Variants in RCBTB1 observed in about 807,000 individuals in gnomAD.
RCBTB1 encodes RCC1 and BTB domain containing protein 1, also known as RCC1 and BTB domain-containing protein 1.
A neutral mutation model predicts 62.4 loss-of-function variants in RCBTB1; 46 were observed. The observed-to-expected ratio is 0.74, with a 90% CI of 0.58 to 0.94. The LOEUF is 0.94. RCBTB1 is among the 40% of genes least tolerant of loss of function. The probability of loss-of-function intolerance (pLI) is 0.00; values close to 1 mark genes in which losing one functional copy is unlikely to be tolerated. For missense variants in RCBTB1, 565 were observed against 654.9 expected (o/e 0.86, Z 1.50); for synonymous variants, 222 against 245.8 (o/e 0.90, Z 0.91).
chr13:49,563,188 C>T (rs1962592337), intron 4 of RCBTB1, among the ~76,000 whole-genome samples: 1 of 150,118 alleles, frequency 6.7e-6, no homozygotes, highest in Non-Finnish European at 1.5e-5. Flanking sequence ...TCACTTGAGC[C>T]CAGGAGTTTG....
At chr13:49,537,516 G>A (rs1029788878) in intron 12 of RCBTB1, among the ~76,000 whole-genome samples, 1 of 152,198 alleles carries the variant, frequency 6.6e-6, no homozygotes, top group East Asian at 1.9e-4. Context: ...TAGATTCCTG[G>A]GCTCACGTTT....
chr13:49,553,489 G>T (rs1343587594), intron 6 of RCBTB1, among the ~76,000 whole-genome samples: 1 of 152,126 alleles, frequency 6.6e-6, no homozygotes, highest in African/African-American at 2.4e-5. Context: ...GAACGTGACA[G>T]TCCCTTGGAT....
intron 9 of RCBTB1, among the ~76,000 whole-genome samples, chr13:49,546,720 C>A (rs918995047): frequency 6.6e-6 from 1 of 152,136 alleles, no homozygotes; most frequent in Non-Finnish European, 1.5e-5. Context: ...ATAGGGCTTA[C>A]GCTTCTTTGA....
chr13:49,552,991 G>A (rs368286861), intron 6 of RCBTB1, among the ~76,000 whole-genome samples: 4 of 152,114 alleles, frequency 2.6e-5, no homozygotes, highest in African/African-American at 9.7e-5. Context: ...AGACCATCCT[G>A]GCCAACACAG....
rs1960299949 is a variant in RCBTB1 at position 49,540,882 on chromosome 13, A to G, written c.1449T>C (p.Asp483=). ...FSLFSAAVRY[D]AEDLEEFCFK... is the part of the protein sequence containing the mutation. ...TGTTTGTTGTTTAAGTTACCTCTGC[A>G]TCATATCTGACTGCAGCAGAGAATA... The change falls in exon 12 of 13, where the codon GAT becomes GAC. Residue 483 remains aspartate (D), a synonymous_variant. Transcript: ENST00000378302. 1 of 1,612,172 alleles carries G rather than the reference A, an allele frequency of 6.2e-7. No homozygotes were observed. The highest frequency in any genetic ancestry group is 1.3e-5 in the African/African-American group (1 of 74,932).
intron 2 of RCBTB1, among the ~76,000 whole-genome samples, chr13:49,571,874 A>G (rs766367437): frequency 1.3e-4 from 20 of 152,228 alleles, no homozygotes; most frequent in Non-Finnish European, 2.6e-4. Context: ...TAAGAAAACC[A>G]CATTAAGGAT....
intron 1 of RCBTB1, among the ~76,000 whole-genome samples, chr13:49,584,602 CCA>C (rs564506103): frequency 5.7e-4 from 87 of 152,182 alleles, no homozygotes; most frequent in Middle Eastern, 3.4e-3. Context: ...TGTTATTAGC[CCA>C]CAATACACAC....
At chr13:49,539,238 G>C (rs1037636772) in intron 12 of RCBTB1, 1 of 151,822 alleles carries the variant, frequency 6.6e-6, no homozygotes, top group Non-Finnish European at 1.5e-5. Context: ...AATTCAACAT[G>C]CATTTTTGAG....
intron 2 of RCBTB1, among the ~76,000 whole-genome samples, chr13:49,576,248 G>A (rs1963780391): frequency 1.3e-5 from 2 of 149,934 alleles, no homozygotes; most frequent in Admixed American, 6.7e-5. Context: ...ATTGATGGTG[G>A]TGATGATTGT....
At chr13:49,564,852 C>T (rs1232142848) in intron 4 of RCBTB1, among the ~76,000 whole-genome samples, 1 of 151,622 alleles carries the variant, frequency 6.6e-6, no homozygotes, top group East Asian at 1.9e-4. Flanking sequence ...GATTGCACCA[C>T]TGCACTCCAG....
intron 1 of RCBTB1, among the ~76,000 whole-genome samples, chr13:49,581,887 G>T (rs559619181): frequency 4.6e-5 from 7 of 152,258 alleles, no homozygotes; most frequent in Non-Finnish European, 8.8e-5. Context: ...CACTGAGGTT[G>T]TGGGTGGAAG....
At chr13:49,563,637 C>T (rs768103071) in intron 4 of RCBTB1, among the ~76,000 whole-genome samples, 1 of 150,812 alleles carries the variant, frequency 6.6e-6, no homozygotes, top group Admixed American at 6.6e-5. Flanking sequence ...CCAGCCTAGG[C>T]GATAGAGCGA....
chr13:49,538,665 G>A (rs1399384821), intron 12 of RCBTB1, among the ~76,000 whole-genome samples: 1 of 151,898 alleles, frequency 6.6e-6, no homozygotes, highest in Non-Finnish European at 1.5e-5. Flanking sequence ...ACAGTGAGCT[G>A]TGATCACACC....
At chr13:49,573,448 C>CTTTT (rs66529613) in intron 2 of RCBTB1, among the ~76,000 whole-genome samples, 4 of 130,122 alleles carry the variant, frequency 3.1e-5, no homozygotes, top group Non-Finnish European at 4.7e-5. Context: ...AATTCCTCAT[C>CTTTT]TTTTTTTTTT....
chr13:49,558,206 A>G (rs1962106827), intron 5 of RCBTB1, among the ~76,000 whole-genome samples: 1 of 152,146 alleles, frequency 6.6e-6, no homozygotes, highest in Non-Finnish European at 1.5e-5. Context: ...AGCTGTATAC[A>G]TGTCTCAATG....
intron 5 of RCBTB1, 27 bp from the exon 6 acceptor site, chr13:49,555,700 AAAG>A: frequency 1.3e-6 from 2 of 1,524,778 alleles, no homozygotes; most frequent in East Asian, 2.3e-5. Flanking sequence ...AAGGAAAAGG[AAAG>A]AATAGTCAGG....
At chr13:49,536,634 G>GT (rs1213986148) in intron 12 of RCBTB1, among the ~76,000 whole-genome samples, 2 of 152,196 alleles carry the variant, frequency 1.3e-5, no homozygotes, top group Non-Finnish European at 2.9e-5. Flanking sequence ...GAAGGATCAT[G>GT]TGACCAGGAG....
At chr13:49,549,407 C>A in intron 9 of RCBTB1, 51 bp downstream of exon 9, 1 of 1,517,700 alleles carries the variant, frequency 6.6e-7, no homozygotes, top group South Asian at 1.3e-5. Flanking sequence ...GAAAACTGGT[C>A]AGTTGGTAGT....
chr13:49,585,235 T>G (rs967375406), intron 1 of RCBTB1, among the ~76,000 whole-genome samples: 2 of 152,132 alleles, frequency 1.3e-5, no homozygotes, highest in Non-Finnish European at 2.9e-5. Context: ...GGAGAGCACA[T>G]TAGCTGAGGT....
Sources: allele counts gnomAD v4.1 joint callset (sites outside exome capture counted in the v4.1 genomes callset), GRCh38; gene constraint gnomAD v4.1.1; transcripts MANE v1.5; gene names NCBI Gene and HGNC (gene_info 2026-07-23, HGNC 2026-07-21).